SAMD5: variants seen among roughly 807,000 people sequenced by gnomAD.
The protein encoded by SAMD5 is sterile alpha motif domain-containing protein 5.
A neutral mutation model predicts 11.3 loss-of-function variants in SAMD5; 13 were observed. The observed-to-expected ratio is 1.15, with a 90% CI of 0.75 to 1.83. The LOEUF (loss-of-function observed/expected upper bound fraction) is 1.83, where lower values mean the gene tolerates loss of function less well. Ranked by LOEUF, SAMD5 falls within the 40% of genes most tolerant of loss-of-function variation. The pLI is 0.00. For synonymous variants in SAMD5, 129 were observed against 111.3 expected, an observed-to-expected ratio of 1.16 and a Z score of -1.00; for missense variants, 255 against 239.1, an observed-to-expected ratio of 1.07 and a Z score of -0.44.
rs1229814361 is a variant in SAMD5, at chr6:147,541,340, C to T, written c.460-23054C>T. On this transcript the variant is annotated intron_variant, in intron 1 of 1. Coordinates refer to ENST00000367474, the MANE Select transcript of SAMD5 (RefSeq NM_001030060.3). ...AATTTGCAAGATGCTGCCCAGTGGGCTGCAGGGGAGATCAAATTAACATTT... is the reference window on the plus strand; with the variant it reads ...AATTTGCAAGATGCTGCCCAGTGGGTTGCAGGGGAGATCAAATTAACATTT... Among the ~76,000 whole-genome samples the T allele has an allele frequency of 4.6e-5, 7 of 152,284 alleles. No individual in the cohort carries two copies. In the East Asian group the frequency reaches 1.4e-3, roughly 29 times the overall value.
chr6:147,756,258 TGGGC>T, the SAMD5 span, among the ~76,000 whole-genome samples: 1 of 152,156 alleles, frequency 6.6e-6, no homozygotes, highest in South Asian at 2.1e-4. Context: ...AAAACTGATT[TGGGC>T]TATTAATACA....
the SAMD5 span, among the ~76,000 whole-genome samples, chr6:147,869,371 A>G: frequency 1.8e-4 from 27 of 152,322 alleles, no homozygotes; most frequent in Non-Finnish European, 3.5e-4. Context: ...TCAAATGGGC[A>G]TAGATTTCAG....
chr6:147,565,387 G>A lies in SAMD5; in HGVS notation c.*931G>A, dbSNP rs536742814. The stretch of plus-strand genomic sequence containing the variant: ...GCTGAAAAAGAAAGTAGATTGAGGT[G>A]GGGGGAGGAAATTAACAGGAATCTA... On this transcript the variant is annotated 3_prime_UTR_variant, in exon 2 of 2. Coordinates refer to ENST00000367474, the MANE Select transcript of SAMD5 (RefSeq NM_001030060.3). The A allele has an allele frequency of 2.0e-6, 2 of 985,282 alleles. No homozygotes were observed. Among genetic ancestry groups the A allele is most frequent in the Non-Finnish European group, 2.4e-6 (2 of 829,590 alleles). 61.0% of individuals were successfully genotyped at this position (985,282 alleles called of 1,614,324 possible). A position where few individuals can be genotyped will look rare whatever the true frequency, so the allele number is the denominator to read the frequency against.
At chr6:147,807,865 T>C in the SAMD5 span, among the ~76,000 whole-genome samples, 2 of 152,262 alleles carry the variant, frequency 1.3e-5, no homozygotes, top group Non-Finnish European at 2.9e-5. Flanking sequence ...CTATTGACTT[T>C]CAATAATATA....
chr6:147,823,866 T>G, the SAMD5 span, among the ~76,000 whole-genome samples: 150,207 of 152,186 alleles, frequency 0.99, 74,132 homozygotes, highest in East Asian at 1. Flanking sequence ...AGAATTCCAG[T>G]GTATACTTTT....
chr6:147,885,269 G>T, the SAMD5 span, among the ~76,000 whole-genome samples: 2 of 151,972 alleles, frequency 1.3e-5, no homozygotes, highest in Non-Finnish European at 2.9e-5. Flanking sequence ...GACCAGCATG[G>T]GCAACATAGC....
the SAMD5 span, among the ~76,000 whole-genome samples, chr6:147,765,792 A>G: frequency 6.6e-6 from 1 of 152,206 alleles, no homozygotes; most frequent in Non-Finnish European, 1.5e-5. Context: ...CCTGGAGGAT[A>G]CTGGAACTCT....
the SAMD5 span, among the ~76,000 whole-genome samples, chr6:147,919,408 G>A: frequency 6.6e-6 from 1 of 152,162 alleles, no homozygotes; most frequent in African/African-American, 2.4e-5. Context: ...CCATGCGCTA[G>A]CAGTTAAATT....
chr6:147,670,601 T>C lies in SAMD5; in HGVS notation c.163-66716T>C, dbSNP rs116582945. Among the ~76,000 whole-genome samples the C allele has an allele frequency of 6.3e-3, 959 of 152,338 alleles. 14 individuals are homozygous for C. The highest frequency in any genetic ancestry group is 0.022 in the African/African-American group (898 of 41,574). Reference sequence around the variant, plus strand: ...GCACTTCCTGCTTCACCTTGCACTTTTATGTGTTGGTGATGGCTTCTTTTC... The same window carrying C: ...GCACTTCCTGCTTCACCTTGCACTTCTATGTGTTGGTGATGGCTTCTTTTC... On this transcript the variant is annotated intron_variant, in intron 1 of 1. Transcript: ENST00000566741.
chr6:147,769,689 G>A, the SAMD5 span, among the ~76,000 whole-genome samples: 2 of 152,120 alleles, frequency 1.3e-5, no homozygotes, highest in Non-Finnish European at 1.5e-5. Context: ...TATATTAATA[G>A]GCTTTCACTT....
At chr6:147,853,791 T>C in the SAMD5 span, among the ~76,000 whole-genome samples, 1 of 152,190 alleles carries the variant, frequency 6.6e-6, no homozygotes, top group Non-Finnish European at 1.5e-5. Flanking sequence ...GTTAATGAAT[T>C]TTTCCGTGTA....
the SAMD5 span, among the ~76,000 whole-genome samples, chr6:147,890,516 G>A: frequency 1.3e-5 from 2 of 151,688 alleles, no homozygotes; most frequent in Non-Finnish European, 2.9e-5. Flanking sequence ...ACACCACCAC[G>A]CCCCGCTAAT....
the SAMD5 span, among the ~76,000 whole-genome samples, chr6:147,747,167 T>A: frequency 1.3e-5 from 2 of 152,228 alleles, no homozygotes; most frequent in Admixed American, 6.5e-5. Context: ...CTGTGGGACA[T>A]GTGAGCACTG....
chr6:147,901,295 T>C, the SAMD5 span, among the ~76,000 whole-genome samples: 1 of 152,238 alleles, frequency 6.6e-6, no homozygotes, highest in African/African-American at 2.4e-5. Flanking sequence ...GTTTATACAG[T>C]AGGATAGTTA....
At chr6:147,704,945 G>A (rs767793905) in intron 1 of SAMD5, among the ~76,000 whole-genome samples, 2 of 152,112 alleles carry the variant, frequency 1.3e-5, no homozygotes, top group Non-Finnish European at 2.9e-5. Flanking sequence ...GGTATGAAAC[G>A]CCACATTTTG....
At chr6:147,680,349 C>T (rs895695613) in intron 1 of SAMD5, among the ~76,000 whole-genome samples, 6 of 152,076 alleles carry the variant, frequency 3.9e-5, no homozygotes, top group East Asian at 3.8e-4. Context: ...TATGGAAATA[C>T]AAATTTGTAT....
the SAMD5 span, among the ~76,000 whole-genome samples, chr6:147,882,730 T>C: frequency 6.6e-6 from 1 of 152,226 alleles, no homozygotes; most frequent in Admixed American, 6.5e-5. Context: ...TGAGGACCAA[T>C]AAAATGTTTA....
At chr6:147,909,326 G>A in the SAMD5 span, among the ~76,000 whole-genome samples, 448 of 152,276 alleles carry the variant, frequency 2.9e-3, 4 homozygotes, top group African/African-American at 0.01. Flanking sequence ...CACTAAATTC[G>A]AGTCAGTAAT....
chr6:147,931,315 T>C, the SAMD5 span, among the ~76,000 whole-genome samples: 1 of 152,218 alleles, frequency 6.6e-6, no homozygotes, highest in Non-Finnish European at 1.5e-5. Context: ...CATTCTCTTA[T>C]TTCTCAAATA....
Sources: gnomAD v4.1 joint callset for allele counts (sites outside exome capture counted in the v4.1 genomes callset) on GRCh38, gnomAD v4.1.1 for gene constraint, MANE v1.5 for transcripts, NCBI Gene and HGNC (gene_info 2026-07-23, HGNC 2026-07-21) for gene names.